Variants in GRIN2A observed in about 807,000 individuals in gnomAD.
The protein encoded by GRIN2A is glutamate receptor ionotropic, NMDA 2A.
In GRIN2A, 22 loss-of-function variants were observed where a neutral mutation model predicts 113.4. The ratio of observed to expected loss-of-function variants is 0.19; its 90% CI spans 0.14 to 0.28. The LOEUF is 0.28. GRIN2A is among the 10% of genes least tolerant of loss of function. GRIN2A has a pLI of 1.00. For synonymous variants in GRIN2A, 827 were observed against 738.4 expected (o/e 1.12, Z -1.94); for missense variants, 1,502 against 1,887.0 (o/e 0.80, Z 3.78).
chr16:10,103,838 T>C (rs796189269), intron 2 of GRIN2A, among the ~76,000 whole-genome samples: 4 of 152,332 alleles, frequency 2.6e-5, no homozygotes, highest in African/African-American at 7.2e-5. Flanking sequence ...ATCTGCTCTA[T>C]GTTCAAGATG....
At chr16:10,126,212 G>A (rs1242200875) in intron 2 of GRIN2A, among the ~76,000 whole-genome samples, 1 of 151,360 alleles carries the variant, frequency 6.6e-6, no homozygotes, top group Non-Finnish European at 1.5e-5. Context: ...GCCCAGGCTG[G>A]AATGCAGTGG....
chr16:9,937,491 T>C (rs117950699), intron 3 of GRIN2A, among the ~76,000 whole-genome samples: 2,004 of 152,140 alleles, frequency 0.013, 62 homozygotes, highest in East Asian at 0.13. Context: ...ATACCTACTA[T>C]GTACCCACAA....
rs1296622726 is a variant in GRIN2A at position 10,129,024 on chromosome 16, T to C, written c.414+50974A>G. Among the ~76,000 whole-genome samples the C allele has an allele frequency of 2.0e-5, 3 of 152,220 alleles. No individual in the cohort carries two copies. The East Asian group carries it at 5.8e-4, about 29-fold the overall frequency. On this transcript the variant is annotated intron_variant, in intron 2 of 12. Transcript: ENST00000330684. ...CCAATCTTTATTCATTTAACAGATA[T>C]TTATTAAGCACCTACTATGTGCATC...
At chr16:9,997,639 T>G (rs2046249805) in intron 2 of GRIN2A, among the ~76,000 whole-genome samples, 1 of 152,162 alleles carries the variant, frequency 6.6e-6, no homozygotes, top group Non-Finnish European at 1.5e-5. Context: ...TGCATTGATG[T>G]GCTAATATGG....
Position 9,938,713 on chromosome 16 carries a change from T to A in GRIN2A, c.415-162A>T, listed in dbSNP as rs115011128. Among the ~76,000 whole-genome samples the A allele has an allele frequency of 1.0e-3, 152 of 152,288 alleles. 2 individuals carry two copies. The highest frequency in any genetic ancestry group is 3.5e-3 in the African/African-American group (144 of 41,572). On this transcript the variant is annotated intron_variant, in intron 2 of 12. Transcript: ENST00000330684. ...CAGACTCCAGAACAGATCCTGCAAA[T>A]ACAGAGAGGACAGAAGCCCCTGTAC...
At chr16:9,948,171 T>C (rs546904025) in intron 2 of GRIN2A, among the ~76,000 whole-genome samples, 3 of 152,290 alleles carry the variant, frequency 2.0e-5, no homozygotes, top group Non-Finnish European at 4.4e-5. Flanking sequence ...CCTGGACAAA[T>C]CAGGACAATC....
At chr16:9,817,200 C>T (rs2042201473) in intron 10 of GRIN2A, among the ~76,000 whole-genome samples, 1 of 152,140 alleles carries the variant, frequency 6.6e-6, no homozygotes, top group African/African-American at 2.4e-5. Context: ...TCTTCAACTC[C>T]TTTAAAATAG....
chr16:9,957,968 G>T (rs2045344558), intron 2 of GRIN2A, among the ~76,000 whole-genome samples: 1 of 152,136 alleles, frequency 6.6e-6, no homozygotes, highest in Non-Finnish European at 1.5e-5. Flanking sequence ...TTTCCATGTT[G>T]ATTGTGCATG....
At chr16:10,176,735 A>G (rs1391064538) in intron 2 of GRIN2A, among the ~76,000 whole-genome samples, 1 of 151,898 alleles carries the variant, frequency 6.6e-6, no homozygotes, top group African/African-American at 2.4e-5. Context: ...GCACTAGGAG[A>G]TATACCTAAT....
chr16:9,856,456 TAAA>T (rs546997832), intron 4 of GRIN2A, among the ~76,000 whole-genome samples: 1 of 146,892 alleles, frequency 6.8e-6, no homozygotes, highest in Non-Finnish European at 1.5e-5. Context: ...CCGTCTCTAC[TAAA>T]AAAAAAATAC....
At chr16:9,775,205 AT>A (rs3216481) in intron 11 of GRIN2A, among the ~76,000 whole-genome samples, 36 of 150,170 alleles carry the variant, frequency 2.4e-4, no homozygotes, top group South Asian at 4.2e-4. Context: ...ACGTCTACAT[AT>A]TTTTTTTTTC....
At chr16:9,933,848 G>C (rs1022938424) in intron 3 of GRIN2A, among the ~76,000 whole-genome samples, 2 of 152,290 alleles carry the variant, frequency 1.3e-5, no homozygotes, top group African/African-American at 4.8e-5. Context: ...CTTCATAGAG[G>C]GATTTTGAAA....
rs1436224793 is a variant in GRIN2A at position 9,762,425 on chromosome 16, A to G, written c.*724T>C. On this transcript the variant is annotated 3_prime_UTR_variant, in exon 13 of 13. Coordinates refer to ENST00000330684, the MANE Select transcript of GRIN2A (RefSeq NM_001134407.3). The stretch of plus-strand genomic sequence containing the variant: ...GAGGGTGAGAGAAACACACATCAAC[A>G]TCCAAAGAGATTCCTGTAGCTCTCC... 4.5e-6 allele frequency: 1 copy of G among 224,112 alleles called. No individual in the cohort carries two copies. Among genetic ancestry groups the G allele is most frequent in the Non-Finnish European group, 8.9e-6 (1 of 112,144 alleles). The allele number at this position is 224,112 out of a possible 1,614,324, so 13.9% of individuals were successfully genotyped here.
At chr16:10,066,815 C>T (rs8062771) in intron 2 of GRIN2A, among the ~76,000 whole-genome samples, 4,576 of 152,276 alleles carry the variant, frequency 0.03, 245 homozygotes, top group African/African-American at 0.11. Context: ...TCACCTTTAA[C>T]ACTGATATGT....
chr16:10,063,183 T>A (rs192642711), intron 2 of GRIN2A, among the ~76,000 whole-genome samples: 2 of 152,234 alleles, frequency 1.3e-5, no homozygotes, highest in South Asian at 2.1e-4. Context: ...TGGGTATACA[T>A]GGATATAAAA....
At chr16:10,100,856 T>A (rs2048381413) in intron 2 of GRIN2A, among the ~76,000 whole-genome samples, 1 of 152,100 alleles carries the variant, frequency 6.6e-6, no homozygotes, top group Admixed American at 6.5e-5. Context: ...ACCACTGGAG[T>A]TAATCCATCA....
chr16:9,829,652 G>A lies in GRIN2A; in HGVS notation c.1778C>T (p.Ala593Val). ...GYNRNLAKGK[A>V]PHGPSFTIGK... ...AATTGTAAAAGAAGGCCCATGGGGT[G>A]CTGCAGAAGATGAAAAGGACATTCT... Residue 593 changes from alanine (A) to valine (V), a missense_variant and splice_region_variant, in exon 9 of 13, where the codon GCA becomes GTA. Coordinates refer to ENST00000330684, the MANE Select transcript of GRIN2A (RefSeq NM_001134407.3). 4 of 1,606,310 alleles carry A rather than the reference G, an allele frequency of 2.5e-6. No individual in the cohort carries two copies. The highest frequency in any genetic ancestry group is 1.7e-5 in the Admixed American group (1 of 59,996).
At chr16:10,120,720 T>C (rs1346764046) in intron 2 of GRIN2A, among the ~76,000 whole-genome samples, 1 of 152,162 alleles carries the variant, frequency 6.6e-6, no homozygotes, top group East Asian at 1.9e-4. Flanking sequence ...TTTCCTTTCT[T>C]ATATTAGGTC....
chr16:9,854,242 G>GT (rs1382897959), intron 4 of GRIN2A, among the ~76,000 whole-genome samples: 4 of 152,110 alleles, frequency 2.6e-5, no homozygotes, highest in Non-Finnish European at 4.4e-5. Context: ...AAATATGGAA[G>GT]TATCAAGGAC....
Sources: allele counts gnomAD v4.1 joint callset (sites outside exome capture counted in the v4.1 genomes callset), GRCh38; gene constraint gnomAD v4.1.1; transcripts MANE v1.5; gene names NCBI Gene and HGNC (gene_info 2026-07-23, HGNC 2026-07-21).